MRC1: variants seen among roughly 807,000 people sequenced by gnomAD.
The protein encoded by MRC1 is macrophage mannose receptor 1.
In MRC1, 62 loss-of-function variants were observed where a neutral mutation model predicts 102.9. The ratio of observed to expected loss-of-function variants is 0.60; its 90% CI spans 0.49 to 0.74. MRC1 has a LOEUF of 0.74. Among genes scored for constraint, MRC1 ranks in the 30% least tolerant of loss-of-function variants. The pLI, the probability that MRC1 is intolerant of heterozygous loss-of-function variation, is 0.00. For missense variants in MRC1, 1,237 were observed against 862.8 expected, an observed-to-expected ratio of 1.43 and a Z score of -5.43; for synonymous variants, 457 against 298.4, an observed-to-expected ratio of 1.53 and a Z score of -5.48.
intron 5 of MRC1, among the ~76,000 whole-genome samples, chr10:17,842,023 C>T (rs1002750525): frequency 3.9e-5 from 6 of 152,142 alleles, no homozygotes; most frequent in African/African-American, 9.7e-5. Flanking sequence ...AGTGCAGTGG[C>T]GCAGTCTCAG....
intron 21 of MRC1, among the ~76,000 whole-genome samples, chr10:17,883,417 C>G (rs945886618): frequency 1.3e-5 from 2 of 150,716 alleles, no homozygotes; most frequent in South Asian, 2.1e-4. Flanking sequence ...ATGTGAGCCA[C>G]CATATCTAGC....
At chr10:17,880,721 T>C in intron 20 of MRC1, 51 bp downstream of exon 20, 1 of 778,802 alleles carries the variant, frequency 1.3e-6, no homozygotes, top group East Asian at 2.4e-5. Flanking sequence ...TGGAGAGTGA[T>C]GCAAATCTTT....
At chr10:17,854,378 T>G (rs1298767323) in intron 8 of MRC1, among the ~76,000 whole-genome samples, 1 of 152,256 alleles carries the variant, frequency 6.6e-6, no homozygotes, top group Admixed American at 6.5e-5. Flanking sequence ...TCATTGTGGT[T>G]GTTTTTATTG....
intron 23 of MRC1, among the ~76,000 whole-genome samples, chr10:17,896,206 C>T (rs1554843421): frequency 6.6e-6 from 1 of 152,102 alleles, no homozygotes; most frequent in Non-Finnish European, 1.5e-5. Flanking sequence ...TCTCCCAGAC[C>T]TAAGGAATTT....
chr10:17,845,053 G>A, intron 5 of MRC1: 3 of 759,146 alleles, frequency 4.0e-6, no homozygotes, highest in East Asian at 2.5e-5. Flanking sequence ...TTTCAAAGAA[G>A]TATATTTGCT....
At chr10:17,895,943 G>T (rs1554843409) in intron 23 of MRC1, among the ~76,000 whole-genome samples, 3 of 152,184 alleles carry the variant, frequency 2.0e-5, no homozygotes, top group Non-Finnish European at 4.4e-5. Context: ...AAATGAAGGG[G>T]CAGGTTATTC....
At chr10:17,809,978 C>T (rs1838198469) in intron 1 of MRC1, among the ~76,000 whole-genome samples, 1 of 152,210 alleles carries the variant, frequency 6.6e-6, no homozygotes, top group African/African-American at 2.4e-5. Context: ...CCGAGGGTAT[C>T]ATCGCAGATC....
chr10:17,811,442 G>T (rs1838219848), intron 1 of MRC1, among the ~76,000 whole-genome samples: 1 of 152,124 alleles, frequency 6.6e-6, no homozygotes, highest in Non-Finnish European at 1.5e-5. Context: ...CTCTTCATAG[G>T]CACAAATATT....
At chr10:17,860,269 T>A (rs1049459688) in intron 9 of MRC1, among the ~76,000 whole-genome samples, 3 of 139,436 alleles carry the variant, frequency 2.2e-5, no homozygotes, top group African/African-American at 2.6e-5. Context: ...TTATTTAGCA[T>A]TTCTGTTTTT....
At chr10:17,832,286 G>A (rs1483935903) in intron 3 of MRC1, among the ~76,000 whole-genome samples, 1 of 151,350 alleles carries the variant, frequency 6.6e-6, no homozygotes, top group Non-Finnish European at 1.5e-5. Flanking sequence ...GCTGGTATCC[G>A]TTCTTTTAAA....
rs1554844097 is a variant in MRC1 at position 17,909,342 on chromosome 10, C to A, written c.4115C>A (p.Thr1372Lys). Residue 1372 changes from threonine to lysine, a missense_variant, in exon 29 of 30, where the codon ACA becomes AAA. Thr to Lys is a moderately conservative substitution (Grantham distance 78, BLOSUM62 -1). Coordinates refer to ENST00000569591, the MANE Select transcript of MRC1 (RefSeq NM_002438.4). ...AAACCTACTCATGAATTACTTACAA[C>A]AAAAGGTAAGGCCATTGCAAAATTT... ...DAKPTHELLT[T>K]KADTRKMDPS... The A allele has an allele frequency of 1.1e-6, 1 of 870,970 alleles. No individual in the cohort carries two copies. Among genetic ancestry groups the A allele is most frequent in the Non-Finnish European group, 2.0e-6 (1 of 500,574 alleles). 54.0% of individuals were successfully genotyped at this position (870,970 alleles called of 1,614,324 possible).
chr10:17,853,877 T>C (rs1353333135), intron 8 of MRC1, among the ~76,000 whole-genome samples: 1 of 152,222 alleles, frequency 6.6e-6, no homozygotes, highest in African/African-American at 2.4e-5. Flanking sequence ...AGTTTTGCTG[T>C]GTGACTGACT....
chr10:17,810,717 T>G (rs1470382810), intron 1 of MRC1, among the ~76,000 whole-genome samples: 3 of 152,178 alleles, frequency 2.0e-5, no homozygotes, highest in African/African-American at 7.2e-5. Context: ...AGTAAGTGCC[T>G]TATAAGTGTT....
In MRC1 at chr10:17,910,327, T is replaced by C; in HGVS notation, c.4233T>C (p.Tyr1411=). 1.3e-6 allele frequency: 1 copy of C among 780,854 alleles called. No homozygotes were observed. 48.4% of individuals were successfully genotyped at this position (780,854 alleles called of 1,614,324 possible). A position where few individuals can be genotyped will look rare whatever the true frequency, so the allele number is the denominator to read the frequency against. The change falls in exon 30 of 30, where the codon TAT becomes TAC. Residue 1411 remains tyrosine (Y), a synonymous_variant. Coordinates refer to ENST00000569591, the MANE Select transcript of MRC1 (RefSeq NM_002438.4). ...TGAGLAAYFF[Y]KKRRVHLPQE... is the part of the protein sequence containing the mutation. ...CTGGCCTTGCCGCCTATTTCTTTTA[T>C]AAGAAAAGACGTGTGCACCTACCTC...
rs1209680815 is a variant in MRC1 at position 17,867,385 on chromosome 10, TCTC to T, written c.1983+627_1983+629del. Among the ~76,000 whole-genome samples, 19 of 131,170 alleles carry T rather than the reference TCTC, an allele frequency of 1.4e-4. 1 individual carries two copies. The highest frequency in any genetic ancestry group is 2.9e-4 in the African/African-American group (9 of 30,806). The allele number at this position is 131,170 out of a possible 152,430, so 86.1% of individuals were successfully genotyped here. A position where few individuals can be genotyped will look rare whatever the true frequency, so the allele number is the denominator to read the frequency against. Reference sequence around the variant, plus strand: ...TTCTCCTTCTTCTTCTTCTTCTTCTTCTCCTTCTTCTCCTTCTTCTTCTTCTTT... The same window carrying T: ...TTCTCCTTCTTCTTCTTCTTCTTCTTCTTCTTCTCCTTCTTCTTCTTCTTT... On this transcript the variant is annotated intron_variant, in intron 12 of 29. Transcript: ENST00000569591.
intron 22 of MRC1, among the ~76,000 whole-genome samples, chr10:17,889,139 C>G (rs1230038526): frequency 6.6e-6 from 1 of 152,100 alleles, no homozygotes; most frequent in Non-Finnish European, 1.5e-5. Flanking sequence ...TTTTTCTCCA[C>G]TTTTAACTTA....
At chr10:17,859,829 A>G (rs1422795107) in intron 9 of MRC1, among the ~76,000 whole-genome samples, 1 of 152,140 alleles carries the variant, frequency 6.6e-6, no homozygotes, top group African/African-American at 2.4e-5. Flanking sequence ...GATAGCATAA[A>G]CTTGGAACTG....
Position 17,823,257 on chromosome 10 carries a change from A to T in MRC1, c.245A>T (p.Asp82Val), listed in dbSNP as rs1178029130. The T allele has an allele frequency of 2.6e-6, 2 of 780,462 alleles. No homozygotes were observed. The highest frequency in any genetic ancestry group is 3.4e-5 in the Admixed American group (2 of 58,988). The allele number at this position is 780,462 out of a possible 1,614,324, so 48.3% of individuals were successfully genotyped here. A position where few individuals can be genotyped will look rare whatever the true frequency, so the allele number is the denominator to read the frequency against. The stretch of plus-strand genomic sequence containing the variant: ...TGCCTGGGAGTGCCATCAAAAACGG[A>T]CTGGGTTGCTATCACTCTCTATGCC... Reference protein sequence around the residue: ...KLCLGVPSKTDWVAITLYACD... With the variant: ...KLCLGVPSKTVWVAITLYACD... The change falls in exon 2 of 30, where the codon GAC becomes GTC. Residue 82 changes from aspartate to valine, a missense_variant. Transcript: ENST00000569591.
At chr10:17,865,864 T>G (rs969523387) in intron 11 of MRC1, among the ~76,000 whole-genome samples, 5,234 of 152,326 alleles carry the variant, frequency 0.034, 125 homozygotes, top group Middle Eastern at 0.082. Flanking sequence ...AAGCACTTCA[T>G]GTTCTTTAAA....
Sources: gnomAD v4.1 joint callset for allele counts (sites outside exome capture counted in the v4.1 genomes callset) on GRCh38, gnomAD v4.1.1 for gene constraint, MANE v1.5 for transcripts, NCBI Gene and HGNC (gene_info 2026-07-23, HGNC 2026-07-21) for gene names.